The following KIRREL3 variants were observed in gnomAD, a reference collection of about 807,000 sequenced individuals.
The protein encoded by KIRREL3 is kin of IRRE-like protein 3.
Under a neutral mutation model 89.7 loss-of-function variants are expected in KIRREL3, and 36 were observed. That is an observed-to-expected ratio of 0.40 (90% CI 0.31 to 0.53). The LOEUF (loss-of-function observed/expected upper bound fraction) is 0.53, where lower values mean the gene tolerates loss of function less well. Ranked by LOEUF, KIRREL3 falls within the 20% of genes least tolerant of loss-of-function variation. KIRREL3 has a pLI of 0.49. For synonymous variants in KIRREL3, 445 were observed against 441.4 expected (o/e 1.01, Z -0.10); for missense variants, 864 against 1,056.6 (o/e 0.82, Z 2.53).
intron 1 of KIRREL3, among the ~76,000 whole-genome samples, chr11:126,822,317 G>A (rs1253123847): frequency 1.3e-5 from 2 of 152,186 alleles, no homozygotes; most frequent in African/African-American, 2.4e-5. Context: ...CATGTAGTAT[G>A]TTCTCAAACA....
At position 126,614,720 on chromosome 11, in the gene KIRREL3, G is replaced by A. The variant is rs1031583858; in HGVS notation, c.56-51808C>T. 3.3e-5 allele frequency among the ~76,000 whole-genome samples: 5 copies of A among 152,280 alleles called. No homozygotes were observed. Among genetic ancestry groups the A allele is most frequent in the Admixed American group, 6.5e-5 (1 of 15,296 alleles). ...AGATGTATTTGCAGACAAGTGGGCC[G>A]CAATCACAGGATTGTGATTCTGTGC... On this transcript the variant is annotated intron_variant, in intron 1 of 16. Coordinates refer to ENST00000525144, the MANE Select transcript of KIRREL3 (RefSeq NM_032531.4). The surrounding 1 kb of genome is among the most constrained non-coding windows in gnomAD (Gnocchi z 4.6).
Position 126,430,906 on chromosome 11 carries a change from A to T in KIRREL3, c.1696+513T>A. ...CGCAATTCTTCAAGCGTGCACAAAC[A>T]CTAGAATTTTATTGGTAATCACTGA... is the stretch of plus-strand genomic sequence containing the variant. On this transcript the variant is annotated intron_variant, in intron 14 of 16. Transcript: ENST00000525144. The surrounding 1 kb of genome is among the most constrained non-coding windows in gnomAD (Gnocchi z 6.6). The T allele has an allele frequency of 2.2e-6, 2 of 917,174 alleles. No homozygotes were observed. Among genetic ancestry groups the T allele is most frequent in the Non-Finnish European group, 2.6e-6 (2 of 761,248 alleles). The allele number at this position is 917,174 out of a possible 1,614,324, so 56.8% of individuals were successfully genotyped here. A position where few individuals can be genotyped will look rare whatever the true frequency, so the allele number is the denominator to read the frequency against.
At chr11:126,757,874 A>T (rs1949554924) in intron 1 of KIRREL3, among the ~76,000 whole-genome samples, 1 of 152,200 alleles carries the variant, frequency 6.6e-6, no homozygotes. Flanking sequence ...GAGATACTAG[A>T]CCATGTGATA....
At position 126,655,657 on chromosome 11, in the gene KIRREL3, G is replaced by A. The variant is rs909397871; in HGVS notation, c.56-92745C>T. Reference sequence around the variant, plus strand: ...GTCATCTCGGGAGCAGTGTGTGCCCGTCCACCCTGGGAGAGGCTTATGAAG... The same window carrying A: ...GTCATCTCGGGAGCAGTGTGTGCCCATCCACCCTGGGAGAGGCTTATGAAG... On this transcript the variant is annotated intron_variant, in intron 1 of 16. Transcript: ENST00000525144. The surrounding 1 kb of genome is among the most constrained non-coding windows in gnomAD (Gnocchi z 5.0). Among the ~76,000 whole-genome samples the A allele has an allele frequency of 3.3e-5, 5 of 152,116 alleles. No homozygotes were observed. Among genetic ancestry groups the A allele is most frequent in the Admixed American group, 2.0e-4 (3 of 15,274 alleles).
intron 1 of KIRREL3, among the ~76,000 whole-genome samples, chr11:126,728,434 A>G (rs1189737366): frequency 6.6e-6 from 1 of 152,090 alleles, no homozygotes; most frequent in Non-Finnish European, 1.5e-5. Flanking sequence ...GTGCTTTCCC[A>G]CAGGAGTGTA....
intron 10 of KIRREL3, chr11:126,440,831 G>A: frequency 1.9e-6 from 1 of 513,950 alleles, no homozygotes; most frequent in South Asian, 2.1e-5. Context: ...CCACAGGAGC[G>A]GTGCAGATAA....
chr11:126,864,736 G>A (rs1268469350), intron 1 of KIRREL3, among the ~76,000 whole-genome samples: 3 of 152,246 alleles, frequency 2.0e-5, no homozygotes, highest in East Asian at 1.9e-4. Context: ...GTTTACAGAC[G>A]AGAAAACAGG....
intron 10 of KIRREL3, 104 bp downstream of exon 10, chr11:126,444,875 G>T: frequency 6.7e-7 from 1 of 1,482,306 alleles, no homozygotes; most frequent in Non-Finnish European, 9.2e-7. Context: ...GTGACAGCAA[G>T]GCCCAGAGCC....
intron 7 of KIRREL3, among the ~76,000 whole-genome samples, chr11:126,451,131 G>C (rs1475034520): frequency 2.0e-5 from 3 of 149,528 alleles, no homozygotes; most frequent in Non-Finnish European, 4.4e-5. Flanking sequence ...GTGTGCATGT[G>C]CATGTGTGTG....
intron 1 of KIRREL3, among the ~76,000 whole-genome samples, chr11:126,586,630 A>AC (rs1396872225): frequency 6.6e-6 from 1 of 152,012 alleles, no homozygotes; most frequent in Non-Finnish European, 1.5e-5. Flanking sequence ...TCAGAGTTGA[A>AC]CTCGGGTCTT....
Position 126,710,247 on chromosome 11 carries a change from C to A in KIRREL3, c.56-147335G>T, listed in dbSNP as rs896142410. Among the ~76,000 whole-genome samples, 2 of 152,134 alleles carry A rather than the reference C, an allele frequency of 1.3e-5. No individual in the cohort carries two copies. Among genetic ancestry groups the A allele is most frequent in the African/African-American group, 2.4e-5 (1 of 41,432 alleles). On this transcript the variant is annotated intron_variant, in intron 1 of 16. Coordinates refer to ENST00000525144, the MANE Select transcript of KIRREL3 (RefSeq NM_032531.4). The surrounding 1 kb of genome is among the most constrained non-coding windows in gnomAD (Gnocchi z 4.2). The stretch of plus-strand genomic sequence containing the variant: ...CAACAGGTGGCTTCTCGGAGCAGTG[C>A]CTTGTCTTAGGGGGGCATGTTCACT...
rs752571193 is a variant in KIRREL3, at chr11:127,000,419, G to T, written c.55+36C>A. 4 of 1,568,616 alleles carry T rather than the reference G, an allele frequency of 2.6e-6. No homozygotes were observed. Among genetic ancestry groups the T allele is most frequent in the Non-Finnish European group, 3.5e-6 (4 of 1,155,938 alleles). ...CCTCCCGCGCCCTGACAACCCAGCC[G>T]ACTTTCTTCCAACTCCAGCAGCGCA... On this transcript the variant is annotated intron_variant, in intron 1 of 16. Transcript: ENST00000525144. The surrounding 1 kb of genome is among the most constrained non-coding windows in gnomAD (Gnocchi z 7.1).
Position 126,486,958 on chromosome 11 carries a change from G to A in KIRREL3, c.434-13492C>T, listed in dbSNP as rs1009675114. On this transcript the variant is annotated intron_variant, in intron 4 of 16. Transcript: ENST00000525144. The surrounding 1 kb of genome is among the most constrained non-coding windows in gnomAD (Gnocchi z 6.2). ...TGGTTTTGCTATGGGCTCCCCATCCGGTAAATCCACCTCCTCAACGAGCCT... is the reference window on the plus strand; with the variant it reads ...TGGTTTTGCTATGGGCTCCCCATCCAGTAAATCCACCTCCTCAACGAGCCT... Among the ~76,000 whole-genome samples the A allele has an allele frequency of 1.3e-5, 2 of 152,098 alleles. No homozygotes were observed. Among genetic ancestry groups the A allele is most frequent in the African/African-American group, 2.4e-5 (1 of 41,390 alleles).
chr11:126,738,912 G>A (rs1360295011), intron 1 of KIRREL3, among the ~76,000 whole-genome samples: 5 of 152,128 alleles, frequency 3.3e-5, no homozygotes, highest in South Asian at 2.1e-4. Flanking sequence ...TTCCACACAG[G>A]GTCCTAAACA....
intron 1 of KIRREL3, among the ~76,000 whole-genome samples, chr11:126,577,381 C>T (rs1949401045): frequency 6.6e-6 from 1 of 151,920 alleles, no homozygotes; most frequent in Non-Finnish European, 1.5e-5. Flanking sequence ...AGGTCCAGGG[C>T]ATCTGTTGGA....
chr11:126,908,582 T>C lies in KIRREL3; in HGVS notation c.55+91873A>G, dbSNP rs1178544401. Among the ~76,000 whole-genome samples, 1 of 152,230 alleles carries C rather than the reference T, an allele frequency of 6.6e-6. No homozygotes were observed. Among genetic ancestry groups the C allele is most frequent in the Non-Finnish European group, 1.5e-5 (1 of 68,042 alleles). ...CATAGGGTAAACGTTCTAGAAACAC[T>C]GGCTATTACTATTGGTATTATCAAG... On this transcript the variant is annotated intron_variant, in intron 1 of 16. Transcript: ENST00000525144. The surrounding 1 kb of genome is among the most constrained non-coding windows in gnomAD (Gnocchi z 4.2).
At chr11:126,856,396 T>A (rs1242559254) in intron 1 of KIRREL3, among the ~76,000 whole-genome samples, 6 of 152,130 alleles carry the variant, frequency 3.9e-5, no homozygotes, top group Admixed American at 3.9e-4. Flanking sequence ...TCTTTCTAAG[T>A]CTTCATGTTT....
At chr11:126,933,376 T>A (rs1793647) in intron 1 of KIRREL3, among the ~76,000 whole-genome samples, 136,465 of 151,610 alleles carry the variant, frequency 0.9, 61,601 homozygotes, top group Middle Eastern at 0.96. Flanking sequence ...TTCTAGTCCC[T>A]ATTTGTAAGC....
In KIRREL3 at chr11:126,553,197, T is replaced by C. The variant is rs1466555694; in HGVS notation, c.133+9638A>G. Reference sequence around the variant, plus strand: ...TGACCATTGCTGGACATTATGGGCTTACAGTGTGTCCCTTGGTCTGAAGAA... The same window carrying C: ...TGACCATTGCTGGACATTATGGGCTCACAGTGTGTCCCTTGGTCTGAAGAA... On this transcript the variant is annotated intron_variant, in intron 2 of 16. Coordinates refer to ENST00000525144, the MANE Select transcript of KIRREL3 (RefSeq NM_032531.4). This position sits in a 1 kb window ranked among gnomAD's most constrained non-coding sequence, Gnocchi z 4.7. Among the ~76,000 whole-genome samples, 1 of 152,238 alleles carries C rather than the reference T, an allele frequency of 6.6e-6. No individual in the cohort carries two copies. Among genetic ancestry groups the C allele is most frequent in the Admixed American group, 6.5e-5 (1 of 15,292 alleles).
Sources: allele counts gnomAD v4.1 joint callset (sites outside exome capture counted in the v4.1 genomes callset), GRCh38; gene constraint gnomAD v4.1.1; non-coding constraint Gnocchi (gnomAD v3.1); transcripts MANE v1.5; gene names NCBI Gene and HGNC (gene_info 2026-07-23, HGNC 2026-07-21).